Variants in EYS observed in about 807,000 individuals in gnomAD.
The protein encoded by EYS is EGF-like photoreceptor maintenance factor, also known as protein eyes shut homolog.
EYS carries 250 observed loss-of-function variants against 282.1 expected under a neutral mutation model. The ratio of observed to expected loss-of-function variants is 0.89; its 90% CI spans 0.80 to 0.98. The LOEUF is 0.98. EYS is among the 50% of genes least tolerant of loss of function. The pLI is 0.00. For synonymous variants in EYS, 1,355 were observed against 1,282.9 expected (o/e 1.06, Z -1.20); for missense variants, 4,016 against 3,709.0 (o/e 1.08, Z -2.15).
chr6:64,815,700 A>C (rs1447065764), intron 21 of EYS, among the ~76,000 whole-genome samples: 1 of 152,088 alleles, frequency 6.6e-6, no homozygotes, highest in Non-Finnish European at 1.5e-5. Flanking sequence ...AGAAAATAAA[A>C]GATATAAAAG....
rs974184388 is a variant in EYS, at chr6:64,388,853, A to C, written c.5928-13T>G. On this transcript the variant is annotated splice_polypyrimidine_tract_variant and intron_variant, in intron 28 of 42. Coordinates refer to ENST00000503581, the MANE Select transcript of EYS (RefSeq NM_001142800.2). ...ATCCAATTCTTGCCTGTAACCATTT[A>C]AGAAAGAAATGGTTTTAGTATAAGT... The C allele has an allele frequency of 2.7e-6, 4 of 1,473,968 alleles. No individual in the cohort carries two copies. Among genetic ancestry groups the C allele is most frequent in the Admixed American group, 5.0e-5 (2 of 40,212 alleles). 91.3% of individuals were successfully genotyped at this position (1,473,968 alleles called of 1,614,324 possible). A position where few individuals can be genotyped will look rare whatever the true frequency, so the allele number is the denominator to read the frequency against.
At chr6:65,321,950 C>G (rs1224543295) in intron 11 of EYS, among the ~76,000 whole-genome samples, 3 of 152,146 alleles carry the variant, frequency 2.0e-5, no homozygotes, top group Non-Finnish European at 4.4e-5. Context: ...TTCTGAATCT[C>G]CTTTTCCTTA....
chr6:65,391,096 C>A (rs1004763577), intron 7 of EYS, among the ~76,000 whole-genome samples: 4 of 151,950 alleles, frequency 2.6e-5, no homozygotes, highest in Non-Finnish European at 4.4e-5. Context: ...TTTATCTGCA[C>A]ATGTCTGTAC....
In EYS at chr6:64,590,835, A is replaced by C; in HGVS notation, c.5032T>G (p.Leu1678Val). ...IVPSQTISSD[L>V]MNSDLTSKMT... is the part of the protein sequence containing the mutation. ...TTTGAAGTCAAATCAGAATTCATCA[A>C]GTCTGAAGAGATAGTTTGTGAAGGG... Residue 1678 changes from leucine (L) to valine (V), a missense_variant, in exon 26 of 43, where the codon TTG (leucine) becomes GTG (valine). Leu to Val is a conservative substitution (Grantham distance 32). Coordinates refer to ENST00000503581, the MANE Select transcript of EYS (RefSeq NM_001142800.2). 1.3e-6 allele frequency: 2 copies of C among 1,550,726 alleles called. No homozygotes were observed. Among genetic ancestry groups the C allele is most frequent in the Non-Finnish European group, 1.7e-6 (2 of 1,146,466 alleles).
intron 22 of EYS, among the ~76,000 whole-genome samples, chr6:64,687,667 T>G (rs536254707): frequency 2.0e-5 from 3 of 152,212 alleles, no homozygotes; most frequent in Non-Finnish European, 2.9e-5. Context: ...TCAGGGATAT[T>G]AGTCTAAAAT....
At chr6:65,570,527 T>C (rs1472200859) in intron 2 of EYS, among the ~76,000 whole-genome samples, 1 of 152,148 alleles carries the variant, frequency 6.6e-6, no homozygotes. Flanking sequence ...CAACTGACTT[T>C]TATCATGATC....
chr6:64,245,388 G>A (rs536403739), intron 30 of EYS, among the ~76,000 whole-genome samples: 2 of 151,856 alleles, frequency 1.3e-5, no homozygotes, highest in East Asian at 3.9e-4. Flanking sequence ...TGACACAATT[G>A]CAGCCTCAAC....
At chr6:65,400,131 T>C (rs1766437531) in intron 7 of EYS, among the ~76,000 whole-genome samples, 1 of 152,020 alleles carries the variant, frequency 6.6e-6, no homozygotes, top group African/African-American at 2.4e-5. Flanking sequence ...AAAAAAGTTA[T>C]TTCACTTTTG....
intron 1 of EYS, among the ~76,000 whole-genome samples, chr6:65,670,009 C>G (rs1326508191): frequency 6.6e-6 from 1 of 151,960 alleles, no homozygotes; most frequent in Non-Finnish European, 1.5e-5. Flanking sequence ...GACTCCTCCT[C>G]CTCCTCATTG....
In EYS at chr6:64,314,194, C is replaced by CAAAAAAAAAAAAAAA. The variant is rs138447983; in HGVS notation, c.6079-7127_6079-7113dup. 5.8e-4 allele frequency among the ~76,000 whole-genome samples: 16 copies of CAAAAAAAAAAAAAAA among 27,676 alleles called. 1 individual carries two copies. Among genetic ancestry groups the CAAAAAAAAAAAAAAA allele is most frequent in the African/African-American group, 1.2e-3 (8 of 6,472 alleles). The allele number at this position is 27,676 out of a possible 152,430, so 18.2% of individuals were successfully genotyped here. On this transcript the variant is annotated intron_variant, in intron 29 of 42. Coordinates refer to ENST00000503581, the MANE Select transcript of EYS (RefSeq NM_001142800.2). The stretch of plus-strand genomic sequence containing the variant: ...GAAGATTTACTAAACAAATGGAAAG[C>CAAAAAAAAAAAAAAA]AAAAAAAAAAAAAAAAAAAAAAAAG...
intron 12 of EYS, among the ~76,000 whole-genome samples, chr6:65,099,169 C>A (rs1256897601): frequency 6.6e-6 from 1 of 150,450 alleles, no homozygotes; most frequent in African/African-American, 2.4e-5. Flanking sequence ...AATTCAAACA[C>A]CTTAAATAAT....
At chr6:65,199,377 A>T (rs937545988) in intron 12 of EYS, among the ~76,000 whole-genome samples, 1 of 152,134 alleles carries the variant, frequency 6.6e-6, no homozygotes, top group African/African-American at 2.4e-5. Flanking sequence ...AAATTCTTTG[A>T]GAAGAATGCA....
chr6:65,442,614 C>T (rs1768378969), intron 5 of EYS, among the ~76,000 whole-genome samples: 1 of 151,526 alleles, frequency 6.6e-6, no homozygotes, highest in Non-Finnish European at 1.5e-5. Flanking sequence ...ATTAGCAGGG[C>T]TTAGTGGAGC....
At chr6:64,973,310 C>T (rs1222927285) in intron 14 of EYS, among the ~76,000 whole-genome samples, 1 of 151,976 alleles carries the variant, frequency 6.6e-6, no homozygotes, top group Non-Finnish European at 1.5e-5. Flanking sequence ...GGCAAATAAT[C>T]AATAAGCTAT....
chr6:65,552,928 G>A (rs9363394), intron 2 of EYS, among the ~76,000 whole-genome samples: 23,457 of 151,526 alleles, frequency 0.15, 2,294 homozygotes, highest in East Asian at 0.28. Flanking sequence ...GCCAAATATC[G>A]AGGAAATTGC....
intron 24 of EYS, among the ~76,000 whole-genome samples, chr6:64,599,413 TG>T (rs1766694977): frequency 1.3e-5 from 2 of 152,118 alleles, no homozygotes; most frequent in South Asian, 4.1e-4. Context: ...ACTAGATGTA[TG>T]GGGTGAGAAT....
At chr6:65,163,433 T>G (rs1241269588) in intron 12 of EYS, among the ~76,000 whole-genome samples, 1 of 151,234 alleles carries the variant, frequency 6.6e-6, no homozygotes, top group Non-Finnish European at 1.5e-5. Context: ...TTACATGAAA[T>G]ATGTTAAAAT....
intron 29 of EYS, among the ~76,000 whole-genome samples, chr6:64,383,888 G>A (rs895435779): frequency 3.9e-5 from 6 of 151,970 alleles, no homozygotes; most frequent in Admixed American, 6.6e-5. Flanking sequence ...AGGTTGACAC[G>A]CATCCTTTTA....
chr6:63,921,925 A>T (rs1484140718), intron 35 of EYS, among the ~76,000 whole-genome samples: 3 of 152,198 alleles, frequency 2.0e-5, no homozygotes, highest in Non-Finnish European at 4.4e-5. Context: ...TGCATGGAAA[A>T]GGTAGGTATT....
Sources: allele counts gnomAD v4.1 joint callset (sites outside exome capture counted in the v4.1 genomes callset), GRCh38; gene constraint gnomAD v4.1.1; transcripts MANE v1.5; gene names NCBI Gene and HGNC (gene_info 2026-07-23, HGNC 2026-07-21).